Variants in SGMS2 observed in about 807,000 individuals in gnomAD.
The protein encoded by SGMS2 is sphingomyelin synthase 2.
Under a neutral mutation model 43.8 loss-of-function variants are expected in SGMS2, and 21 were observed. The ratio of observed to expected loss-of-function variants is 0.48; its 90% confidence interval spans 0.34 to 0.69. The LOEUF (loss-of-function observed/expected upper bound fraction) is 0.69, where lower values mean the gene tolerates loss of function less well. Ranked by LOEUF, SGMS2 falls within the 30% of genes least tolerant of loss-of-function variation. The probability of loss-of-function intolerance (pLI) is 0.01; values close to 1 mark genes in which losing one functional copy is unlikely to be tolerated. For synonymous variants in SGMS2, 167 were observed against 160.6 expected, an observed-to-expected ratio of 1.04 and a Z score of -0.30; for missense variants, 384 against 443.2, an observed-to-expected ratio of 0.87 and a Z score of 1.20.
intron 5 of SGMS2, among the ~76,000 whole-genome samples, chr4:107,905,527 A>T (rs998788189): frequency 2.0e-5 from 3 of 152,168 alleles, no homozygotes; most frequent in Admixed American, 6.5e-5. Context: ...AACTCATTTG[A>T]TCCTTACAAC....
rs773667022 is a variant in SGMS2 at position 107,865,308 on chromosome 4, CGA to C, written c.-245+6761_-245+6762del. Among the ~76,000 whole-genome samples, 35 of 152,132 alleles carry C rather than the reference CGA, an allele frequency of 2.3e-4. 1 individual carries two copies. The highest frequency in any genetic ancestry group is 5.2e-4 in the Admixed American group (8 of 15,276). Reference sequence around the variant, plus strand: ...ACAATCTGGGATTGCTAATCTTTTACGAGAGAGGTCTCATCTAGCTTAATACT... The same window carrying C: ...ACAATCTGGGATTGCTAATCTTTTACGAGAGGTCTCATCTAGCTTAATACT... On this transcript the variant is annotated intron_variant, in intron 2 of 6. Transcript: ENST00000690982.
At chr4:107,833,980 C>T (rs766260869) in intron 1 of SGMS2, among the ~76,000 whole-genome samples, 23 of 152,210 alleles carry the variant, frequency 1.5e-4, no homozygotes, top group Non-Finnish European at 2.5e-4. Flanking sequence ...TGAGCTCTCC[C>T]GTGGAGCCTC....
chr4:107,879,660 T>C lies in SGMS2; in HGVS notation c.-244-15650T>C, dbSNP rs924370041. Among the ~76,000 whole-genome samples the C allele has an allele frequency of 2.0e-5, 3 of 151,914 alleles. No homozygotes were observed. In the South Asian group the frequency reaches 6.2e-4, roughly 32 times the overall value. On this transcript the variant is annotated intron_variant, in intron 2 of 6. Coordinates refer to ENST00000690982, the MANE Select transcript of SGMS2 (RefSeq NM_001375905.1). ...TATTTTTAGGAGAGACAGGGTTTTGTCATGTTGCCCAGGCTGGTCTCGAAC... is the reference window on the plus strand; with the variant it reads ...TATTTTTAGGAGAGACAGGGTTTTGCCATGTTGCCCAGGCTGGTCTCGAAC...
chr4:107,892,075 T>G (rs1451652215), intron 2 of SGMS2, among the ~76,000 whole-genome samples: 1 of 148,430 alleles, frequency 6.7e-6, no homozygotes, highest in African/African-American at 2.5e-5. Flanking sequence ...ACTATCTGCC[T>G]AAATAACTTC....
chr4:107,841,379 T>G (rs184887802), intron 1 of SGMS2, among the ~76,000 whole-genome samples: 1 of 152,278 alleles, frequency 6.6e-6, no homozygotes, highest in Admixed American at 6.5e-5. Context: ...TTCTAGCCAC[T>G]CTTTTTCCCC....
At chr4:107,880,857 A>G (rs1454455666) in intron 2 of SGMS2, among the ~76,000 whole-genome samples, 1 of 111,698 alleles carries the variant, frequency 9.0e-6, no homozygotes, top group African/African-American at 3.7e-5. Context: ...GTCTCAAAAA[A>G]AAAAAAAAAA....
At chr4:107,898,058 A>G (rs1284608273) in intron 3 of SGMS2, among the ~76,000 whole-genome samples, 5 of 152,210 alleles carry the variant, frequency 3.3e-5, no homozygotes, top group Admixed American at 3.3e-4. Flanking sequence ...ATGGAGCACA[A>G]TTCAAAACAG....
intron 1 of SGMS2, among the ~76,000 whole-genome samples, chr4:107,857,531 G>GATATATATAT (rs112123351): frequency 6.0e-4 from 87 of 144,922 alleles, no homozygotes; most frequent in East Asian, 3.1e-3. Flanking sequence ...GTAGTTAAAA[G>GATATATATAT]ATATATATAT....
At chr4:107,907,531 A>T (rs1437546782) in intron 5 of SGMS2, among the ~76,000 whole-genome samples, 1 of 152,188 alleles carries the variant, frequency 6.6e-6, no homozygotes, top group Non-Finnish European at 1.5e-5. Context: ...GAATCGCTTG[A>T]ACCCAGGGGA....
intron 1 of SGMS2, among the ~76,000 whole-genome samples, chr4:107,829,659 C>T (rs190527498): frequency 2.6e-3 from 391 of 151,632 alleles, no homozygotes; most frequent in African/African-American, 8.8e-3. Flanking sequence ...TCAAACTAAA[C>T]TTGTGCAACT....
intron 2 of SGMS2, among the ~76,000 whole-genome samples, chr4:107,890,226 C>T (rs1480868080): frequency 3.9e-5 from 6 of 152,036 alleles, no homozygotes; most frequent in African/African-American, 9.7e-5. Flanking sequence ...GGTTTCTCCC[C>T]GAAAGGGAGT....
intron 2 of SGMS2, among the ~76,000 whole-genome samples, chr4:107,884,618 A>G (rs1172240305): frequency 1.3e-5 from 2 of 152,212 alleles, no homozygotes; most frequent in Non-Finnish European, 2.9e-5. Context: ...ACATCTGCTC[A>G]CTGAGATAAA....
chr4:107,861,807 T>C (rs1175840422), intron 2 of SGMS2, among the ~76,000 whole-genome samples: 2 of 152,236 alleles, frequency 1.3e-5, no homozygotes, highest in Non-Finnish European at 2.9e-5. Context: ...TGATTTTTAA[T>C]AGTTCTTACA....
intron 1 of SGMS2, among the ~76,000 whole-genome samples, chr4:107,844,949 A>G (rs550487586): frequency 6.6e-6 from 1 of 152,186 alleles, no homozygotes; most frequent in South Asian, 2.1e-4. Context: ...AACTGGGGAG[A>G]GAGTTGATAC....
chr4:107,877,620 G>A (rs543815553), intron 2 of SGMS2, among the ~76,000 whole-genome samples: 1 of 152,294 alleles, frequency 6.6e-6, no homozygotes, highest in South Asian at 2.1e-4. Context: ...TAGTGACCAC[G>A]TGTCTATCTT....
chr4:107,837,544 A>G (rs1306272315), intron 1 of SGMS2, among the ~76,000 whole-genome samples: 1 of 152,090 alleles, frequency 6.6e-6, no homozygotes, highest in Non-Finnish European at 1.5e-5. Flanking sequence ...GGCAGGACCG[A>G]GTTGGGTAGG....
chr4:107,848,067 A>T (rs541837977), intron 1 of SGMS2, among the ~76,000 whole-genome samples: 1 of 152,042 alleles, frequency 6.6e-6, no homozygotes, highest in Non-Finnish European at 1.5e-5. Flanking sequence ...TGTTCTGCGT[A>T]TTCACTCCTC....
rs144657654 is a variant in SGMS2 at position 107,908,790 on chromosome 4, C to A, written c.894+59C>A. The A allele has an allele frequency of 3.1e-3, 4,714 of 1,505,648 alleles. 169 individuals carry two copies. The South Asian group carries it at 0.055, about 18-fold the overall frequency. The allele number at this position is 1,505,648 out of a possible 1,614,324, so 93.3% of individuals were successfully genotyped here. ...TTCTTTGAATGCAGTGGACCCTTTT[C>A]ATGTCGTGGGGTTTTAGATAGCCTA... On this transcript the variant is annotated intron_variant, in intron 6 of 6. Coordinates refer to ENST00000690982, the MANE Select transcript of SGMS2 (RefSeq NM_001375905.1).
chr4:107,849,894 G>A (rs999101785), intron 1 of SGMS2, among the ~76,000 whole-genome samples: 1 of 152,178 alleles, frequency 6.6e-6, no homozygotes, highest in African/African-American at 2.4e-5. Flanking sequence ...AAATGAGTGT[G>A]TGTATCCCCA....
Sources: gnomAD v4.1 joint callset for allele counts (sites outside exome capture counted in the v4.1 genomes callset) on GRCh38, gnomAD v4.1.1 for gene constraint, MANE v1.5 for transcripts, NCBI Gene and HGNC (gene_info 2026-07-23, HGNC 2026-07-21) for gene names.